SARDH: variants seen among roughly 807,000 people sequenced by gnomAD.
SARDH encodes the protein sarcosine dehydrogenase, mitochondrial.
In SARDH, 95 loss-of-function variants were observed where a neutral mutation model predicts 109.1. That is an observed-to-expected ratio of 0.87 (90% CI 0.74 to 1.03). The LOEUF is 1.03. Among genes scored for constraint, SARDH ranks in the 50% least tolerant of loss-of-function variants. The probability of loss-of-function intolerance (pLI) is 0.00; values close to 1 mark genes in which losing one functional copy is unlikely to be tolerated. For missense variants in SARDH, 1,267 were observed against 1,287.8 expected, an observed-to-expected ratio of 0.98 and a Z score of 0.25; for synonymous variants, 572 against 534.8, an observed-to-expected ratio of 1.07 and a Z score of -0.96.
chr9:133,719,062 G>C lies in SARDH; in HGVS notation c.916-20C>G, dbSNP rs750223666. 1 of 1,602,294 alleles carries C rather than the reference G, an allele frequency of 6.2e-7. No homozygotes were observed. The highest frequency in any genetic ancestry group is 8.6e-7 in the Non-Finnish European group (1 of 1,169,412). On this transcript the variant is annotated intron_variant, in intron 6 of 20. Transcript: ENST00000439388. ...CATGTTCTGGAAGGCAGAGAGAGAG[G>C]CCTTGGCATCATCCAGAACTGGGTG... is the stretch of plus-strand genomic sequence containing the variant.
At chr9:133,668,068 C>T (rs1312164897) in intron 19 of SARDH, among the ~76,000 whole-genome samples, 1 of 151,956 alleles carries the variant, frequency 6.6e-6, no homozygotes, top group African/African-American at 2.4e-5. Flanking sequence ...TAAACCCAGA[C>T]ATCAGGCTGC....
At chr9:133,671,824 G>C in intron 17 of SARDH, 127 bp from the exon 18 acceptor site, 2 of 1,186,236 alleles carry the variant, frequency 1.7e-6, no homozygotes, top group Non-Finnish European at 2.3e-6. Context: ...GTCCCAGCCA[G>C]ATTGCCATCA....
intron 20 of SARDH, among the ~76,000 whole-genome samples, chr9:133,664,738 TG>T (rs1317709853): frequency 6.6e-6 from 1 of 152,138 alleles, no homozygotes; most frequent in Admixed American, 6.5e-5. Flanking sequence ...AGCTCAGGAC[TG>T]GATGAAAAAA....
chr9:133,696,393 G>A (rs367657845), intron 13 of SARDH, 32 bp from the exon 14 acceptor site: 31 of 1,613,206 alleles, frequency 1.9e-5, no homozygotes, highest in East Asian at 6.7e-5. Flanking sequence ...GGAATGCCAC[G>A]GGGGCCTTTG....
intron 7 of SARDH, 26 bp from the exon 8 acceptor site, chr9:133,717,481 C>T: frequency 1.2e-6 from 2 of 1,613,256 alleles, no homozygotes; most frequent in Non-Finnish European, 1.7e-6. Context: ...AGGGGAACAT[C>T]TCCGTTGTCC....
rs775373624 is a variant in SARDH at position 133,664,009 on chromosome 9, C to G, written c.2637G>C (p.Ser879=). The change falls in exon 21 of 21, where the codon TCG becomes TCC. Residue 879 remains serine (S), a synonymous_variant. Transcript: ENST00000439388. ...YIHDPSGGPV[S]LDFVKSGDYA... Reference sequence around the variant, plus strand: ...AGTCCCCGCTCTTCACAAAGTCCAGCGAGACCTAGGAGCAGAGGTGGGGAT... The same window carrying G: ...AGTCCCCGCTCTTCACAAAGTCCAGGGAGACCTAGGAGCAGAGGTGGGGAT... 6.2e-7 allele frequency: 1 copy of G among 1,614,036 alleles called. No homozygotes were observed. The highest frequency in any genetic ancestry group is 8.5e-7 in the Non-Finnish European group (1 of 1,179,936).
chr9:133,700,333 T>A (rs1268758228), intron 13 of SARDH, among the ~76,000 whole-genome samples: 2 of 149,138 alleles, frequency 1.3e-5, no homozygotes, highest in Non-Finnish European at 3.0e-5. Context: ...TCTCAAAAAA[T>A]AAATAAATAA....
chr9:133,666,858 C>G lies in SARDH; in HGVS notation c.2508G>C (p.Met836Ile), dbSNP rs200203828. The G allele has an allele frequency of 1.4e-5, 23 of 1,612,662 alleles. No homozygotes were observed. The East Asian group carries it at 5.1e-4, about 36-fold the overall frequency. ...TCCTCCAGATGGCCTCCAGGCCAAA[C>G]ATGGGTACTTTGCTGGAAGAAGCAG... ...VCFTMEDKVP[M>I]FGLEAIWRNG... The change falls in exon 20 of 21, where the codon ATG becomes ATC. Residue 836 changes from methionine to isoleucine, a missense_variant. Transcript: ENST00000439388. This position sits in a 1 kb window ranked among gnomAD's most constrained non-coding sequence, Gnocchi z 5.2.
At chr9:133,661,480 T>C (rs928341335), downstream of SARDH, among the ~76,000 whole-genome samples, 6 of 152,148 alleles carry the variant, frequency 3.9e-5, no homozygotes, top group African/African-American at 1.2e-4. Flanking sequence ...GTAGGCACTT[T>C]CTTTTTTTTG....
At chr9:133,696,871 G>T (rs1004435752) in intron 13 of SARDH, among the ~76,000 whole-genome samples, 4 of 152,098 alleles carry the variant, frequency 2.6e-5, no homozygotes, top group African/African-American at 7.2e-5. Flanking sequence ...CTTGCATTAC[G>T]AAAGAAGATC....
intron 1 of SARDH, among the ~76,000 whole-genome samples, chr9:133,736,391 T>C (rs1213805513): frequency 2.7e-5 from 1 of 36,724 alleles, no homozygotes; most frequent in Non-Finnish European, 5.8e-5. Context: ...GTTGTTGTTG[T>C]TGTTTGTTTG....
At chr9:133,668,366 A>G (rs1470317370) in intron 19 of SARDH, among the ~76,000 whole-genome samples, 1 of 50,468 alleles carries the variant, frequency 2.0e-5, no homozygotes, top group Non-Finnish European at 3.8e-5. Flanking sequence ...CCTCTCCCTC[A>G]CCCTCATTCT....
downstream of SARDH, chr9:133,663,446 A>G (rs942648790): frequency 4.2e-6 from 1 of 238,738 alleles, no homozygotes; most frequent in African/African-American, 2.2e-5. Flanking sequence ...CCAGTCGATC[A>G]CCTCTCTTTC....
intron 4 of SARDH, 66 bp from the exon 5 acceptor site, chr9:133,730,253 C>T: frequency 6.3e-7 from 1 of 1,583,102 alleles, no homozygotes; most frequent in Non-Finnish European, 8.6e-7. Flanking sequence ...CCACCCCACT[C>T]CAACCAACCC....
chr9:133,689,406 G>T (rs1564253952), intron 16 of SARDH, among the ~76,000 whole-genome samples: 1 of 151,968 alleles, frequency 6.6e-6, no homozygotes, highest in Non-Finnish European at 1.5e-5. Context: ...TGGCCCCTTA[G>T]CCTGGTGGGG....
Position 133,686,486 on chromosome 9 carries a change from C to G in SARDH, c.2070-1200G>C, listed in dbSNP as rs1395919017. ...TACTCGTTGTCCAAGATCCCACAGTCTCCTGCCAGGGTGTCTCTCACATTG... is the reference window on the plus strand; with the variant it reads ...TACTCGTTGTCCAAGATCCCACAGTGTCCTGCCAGGGTGTCTCTCACATTG... On this transcript the variant is annotated intron_variant, in intron 16 of 20. Coordinates refer to ENST00000439388, the MANE Select transcript of SARDH (RefSeq NM_001134707.2). This position sits in a 1 kb window ranked among gnomAD's most constrained non-coding sequence, Gnocchi z 4.0. Among the ~76,000 whole-genome samples the G allele has an allele frequency of 6.6e-6, 1 of 152,172 alleles. No homozygotes were observed. The highest frequency in any genetic ancestry group is 1.9e-4 in the East Asian group (1 of 5,192).
intron 14 of SARDH, among the ~76,000 whole-genome samples, chr9:133,695,213 T>C (rs928224060): frequency 2.6e-5 from 4 of 151,922 alleles, no homozygotes; most frequent in African/African-American, 9.7e-5. Flanking sequence ...GAGGCTGAGG[T>C]GGGAGGATCA....
chr9:133,710,878 G>A (rs1375763843), intron 10 of SARDH, among the ~76,000 whole-genome samples: 2 of 152,240 alleles, frequency 1.3e-5, no homozygotes, highest in Non-Finnish European at 2.9e-5. Flanking sequence ...TGTGTGCCCT[G>A]GGTGCCACCA....
intron 13 of SARDH, among the ~76,000 whole-genome samples, chr9:133,700,735 G>GCACACACACGCA (rs1173272067): frequency 8.6e-5 from 5 of 57,972 alleles, no homozygotes; most frequent in African/African-American, 3.4e-4. Flanking sequence ...ACACACGCAC[G>GCACACACACGCA]CGCACACACA....
Sources: gnomAD v4.1 joint callset for allele counts (sites outside exome capture counted in the v4.1 genomes callset) on GRCh38, gnomAD v4.1.1 for gene constraint, Gnocchi (gnomAD v3.1) non-coding constraint, MANE v1.5 for transcripts, NCBI Gene and HGNC (gene_info 2026-07-23, HGNC 2026-07-21) for gene names.